Variants in PCDHA6 observed in about 807,000 individuals in gnomAD.
PCDHA6 encodes the protein protocadherin alpha 6.
Under a neutral mutation model 60.3 loss-of-function variants are expected in PCDHA6, and 55 were observed. That is an observed-to-expected ratio of 0.91 (90% CI 0.73 to 1.14). PCDHA6 has a LOEUF of 1.14. PCDHA6 is among the 50% of genes most tolerant of loss of function. The probability of loss-of-function intolerance (pLI) is 0.00; values close to 1 mark genes in which losing one functional copy is unlikely to be tolerated. For synonymous variants in PCDHA6, 652 were observed against 557.9 expected, an observed-to-expected ratio of 1.17 and a Z score of -2.38; for missense variants, 1,327 against 1,256.5, an observed-to-expected ratio of 1.06 and a Z score of -0.85.
chr5:141,008,022 T>C (rs1355928123), intron 3 of PCDHA6, among the ~76,000 whole-genome samples: 3 of 152,226 alleles, frequency 2.0e-5, no homozygotes, highest in Non-Finnish European at 4.4e-5. Context: ...TCCTTTTTTT[T>C]CTTGTTAATC....
intron 1 of PCDHA6, chr5:140,867,978 C>T (rs1283630691): frequency 6.6e-6 from 1 of 152,064 alleles, no homozygotes; most frequent in East Asian, 1.9e-4. Flanking sequence ...CAACAAGAAA[C>T]AAACTATTTT....
intron 1 of PCDHA6, among the ~76,000 whole-genome samples, chr5:140,839,832 G>A (rs1196179832): frequency 6.6e-6 from 1 of 152,000 alleles, no homozygotes; most frequent in Admixed American, 6.6e-5. Context: ...CATTCATGAT[G>A]AATCCATGGA....
chr5:140,828,562 G>T lies in PCDHA6; in HGVS notation c.471G>T (p.Ala157=). ...ATTCTGTGTTTCCACTGGAGGGCGC[G>T]TCCGATGCAGATGTTGGCTCAAATT... The part of the protein sequence containing the change: ...LPDSVFPLEG[A]SDADVGSNSI... Residue 157 remains alanine, a synonymous_variant, in exon 1 of 4, where the codon GCG becomes GCT. Transcript: ENST00000529310. The T allele has an allele frequency of 1.2e-6, 2 of 1,614,232 alleles. No individual in the cohort carries two copies.
chr5:140,829,266 A>T lies in PCDHA6; in HGVS notation c.1175A>T (p.His392Leu). ...NGQVNCSLTPHVPFKLVSTFK... is the reference protein window; with the variant it reads ...NGQVNCSLTPLVPFKLVSTFK... ...CAGGTGAACTGCTCGCTGACGCCTC[A>T]CGTCCCTTTCAAGCTGGTGTCCACC... Residue 392 changes from histidine (H) to leucine (L), a missense_variant, in exon 1 of 4, where the codon CAC becomes CTC. By Grantham distance (99) the His-to-Leu change is moderately conservative (BLOSUM62 -3). Transcript: ENST00000529310. 6.2e-7 allele frequency: 1 copy of T among 1,614,248 alleles called. No individual in the cohort carries two copies. Among genetic ancestry groups the T allele is most frequent in the South Asian group, 1.1e-5 (1 of 91,086 alleles).
intron 1 of PCDHA6, chr5:140,867,287 A>T (rs1264218929): frequency 1.3e-5 from 2 of 152,110 alleles, no homozygotes; most frequent in African/African-American, 2.4e-5. Context: ...ATGTGCTTCA[A>T]ATATCATGTT....
At chr5:140,960,488 GT>G (rs1373763536) in intron 1 of PCDHA6, among the ~76,000 whole-genome samples, 4 of 152,150 alleles carry the variant, frequency 2.6e-5, no homozygotes, top group African/African-American at 9.7e-5. Flanking sequence ...AGAGGTGTAG[GT>G]TTGTTTGTTC....
chr5:140,834,233 T>G, intron 1 of PCDHA6: 1 of 758,570 alleles, frequency 1.3e-6, no homozygotes, highest in Non-Finnish European at 2.1e-6. Flanking sequence ...AGGAAGTCAT[T>G]CCTTTTCGCA....
chr5:140,852,594 T>G (rs1554145952), intron 1 of PCDHA6: 2 of 893,746 alleles, frequency 2.2e-6, no homozygotes, highest in African/African-American at 3.6e-5. Flanking sequence ...TTTTTTTTTT[T>G]GTCATTTTCT....
intron 1 of PCDHA6, chr5:140,927,237 G>A (rs1554204217): frequency 1.2e-6 from 2 of 1,614,110 alleles, no homozygotes; most frequent in Admixed American, 1.7e-5. Flanking sequence ...TTCACGTCCT[G>A]GACACCAATG....
intron 3 of PCDHA6, among the ~76,000 whole-genome samples, chr5:140,988,734 T>C (rs2097310672): frequency 1.3e-5 from 2 of 152,212 alleles, no homozygotes. Context: ...ATAGTAATTA[T>C]TCTAGGATTG....
chr5:140,960,886 A>G (rs1161636963), intron 1 of PCDHA6, among the ~76,000 whole-genome samples: 1 of 152,198 alleles, frequency 6.6e-6, no homozygotes, highest in African/African-American at 2.4e-5. Context: ...CACACTAATG[A>G]ATTTGGGGCA....
intron 1 of PCDHA6, chr5:140,929,409 T>G: frequency 6.6e-7 from 1 of 1,506,206 alleles, no homozygotes; most frequent in Non-Finnish European, 8.9e-7. Context: ...GACAAGCCTT[T>G]CACAACATTT....
chr5:140,876,801 G>A lies in PCDHA6; in HGVS notation c.2394+46316G>A, dbSNP rs1015597244. 3.1e-6 allele frequency: 5 copies of A among 1,614,114 alleles called. No homozygotes were observed. The African/African-American group carries it at 6.7e-5, about 22-fold the overall frequency. On this transcript the variant is annotated intron_variant, in intron 1 of 3. Transcript: ENST00000529310. ...TGTGGGCCACGGCTAGAGTGTCCGT[G>A]GAGGTGGCCGACGTGAACGACAATG...
intron 1 of PCDHA6, chr5:140,875,895 T>C (rs2153332421): frequency 1.2e-6 from 2 of 1,614,196 alleles, no homozygotes; most frequent in Non-Finnish European, 1.7e-6. Flanking sequence ...AAAAGGTACC[T>C]GTTTCTGAAT....
intron 1 of PCDHA6, among the ~76,000 whole-genome samples, chr5:140,879,587 G>A (rs904371743): frequency 6.6e-6 from 1 of 152,186 alleles, no homozygotes. Context: ...GACAGACATT[G>A]AAAAGTGAAA....
intron 1 of PCDHA6, chr5:140,866,616 C>G (rs1470168934): frequency 6.6e-6 from 1 of 152,048 alleles, no homozygotes; most frequent in Non-Finnish European, 1.5e-5. Context: ...TGGAGAACCT[C>G]CTGGGGTTCT....
rs541261946 is a variant in PCDHA6, at chr5:140,926,749, G to T, written c.2395-52200G>T. ...GGCGTTCGGGAGGCGCAACGTCGGC[G>T]GTCGCTGAGTATCCAGCCCGCAGCA... On this transcript the variant is annotated intron_variant, in intron 1 of 3. Coordinates refer to ENST00000529310, the MANE Select transcript of PCDHA6 (RefSeq NM_018909.4). 7.3e-6 allele frequency: 9 copies of T among 1,237,260 alleles called. No homozygotes were observed. In the East Asian group the frequency reaches 2.0e-4, roughly 28 times the overall value. The allele number at this position is 1,237,260 out of a possible 1,614,324, so 76.6% of individuals were successfully genotyped here.
At chr5:140,836,095 G>C (rs2150252666) in intron 1 of PCDHA6, 6 of 1,613,694 alleles carry the variant, frequency 3.7e-6, no homozygotes, top group Non-Finnish European at 5.1e-6. Flanking sequence ...CCTCGGGTGG[G>C]TGGCACTGGT....
At chr5:140,885,581 G>A (rs984552337) in intron 1 of PCDHA6, among the ~76,000 whole-genome samples, 5 of 152,098 alleles carry the variant, frequency 3.3e-5, no homozygotes, top group African/African-American at 1.2e-4. Flanking sequence ...ATGTGGAATT[G>A]ATGCATCAAA....
Sources: gnomAD v4.1 joint callset for allele counts (sites outside exome capture counted in the v4.1 genomes callset) on GRCh38, gnomAD v4.1.1 for gene constraint, MANE v1.5 for transcripts, NCBI Gene and HGNC (gene_info 2026-07-23, HGNC 2026-07-21) for gene names.